The following WDR25 variants were observed in gnomAD, a reference collection of about 807,000 sequenced individuals.
WDR25 encodes WD repeat-containing protein 25.
WDR25 carries 35 observed loss-of-function variants against 47.7 expected under a neutral mutation model. The observed-to-expected ratio is 0.73, with a 90% CI of 0.56 to 0.97. WDR25 has a LOEUF of 0.97. WDR25 is among the 50% of genes least tolerant of loss of function. The pLI, the probability that WDR25 is intolerant of heterozygous loss-of-function variation, is 0.00. For missense variants in WDR25, 634 were observed against 704.7 expected, an observed-to-expected ratio of 0.90 and a Z score of 1.14; for synonymous variants, 248 against 278.9, an observed-to-expected ratio of 0.89 and a Z score of 1.10.
Position 100,529,772 on chromosome 14 carries a change from C to G in WDR25, c.1414-48C>G. ...CCTCTGTAGAATGGGCATACTCACC[C>G]CGGCTTGACAGGTGCGGCTTGCTCA... is the stretch of plus-strand genomic sequence containing the variant. On this transcript the variant is annotated intron_variant, in intron 6 of 6. Coordinates refer to ENST00000402312, the MANE Select transcript of WDR25 (RefSeq NM_001161476.3). The surrounding 1 kb of genome is among the most constrained non-coding windows in gnomAD (Gnocchi z 5.1). The G allele has an allele frequency of 6.3e-7, 1 of 1,582,814 alleles. No individual in the cohort carries two copies. The highest frequency in any genetic ancestry group is 1.1e-5 in the South Asian group (1 of 87,184).
intron 4 of WDR25, among the ~76,000 whole-genome samples, chr14:100,511,980 TGTATAATTTGGAATTATATCA>T (rs1381444647): frequency 1.4e-4 from 21 of 152,182 alleles, no homozygotes; most frequent in African/African-American, 5.1e-4. Context: ...TTATTCCCTT[TGTATAATTTGGAATTATATCA>T]GCTAAAGTTG....
At chr14:100,467,499 T>C (rs1398387557) in intron 2 of WDR25, among the ~76,000 whole-genome samples, 1 of 152,102 alleles carries the variant, frequency 6.6e-6, no homozygotes, top group Non-Finnish European at 1.5e-5. Context: ...TGCGTTTTCT[T>C]TTTTCTTTTA....
At chr14:100,403,832 C>T (rs924980578) in intron 2 of WDR25, among the ~76,000 whole-genome samples, 1 of 152,178 alleles carries the variant, frequency 6.6e-6, no homozygotes, top group African/African-American at 2.4e-5. Context: ...GGCCCTCAGA[C>T]TTCCATCGAG....
intron 4 of WDR25, among the ~76,000 whole-genome samples, chr14:100,495,936 G>A (rs1023657190): frequency 6.6e-6 from 1 of 152,190 alleles, no homozygotes; most frequent in Non-Finnish European, 1.5e-5. Context: ...GTGGATATAT[G>A]TTTTCATTTC....
intron 2 of WDR25, among the ~76,000 whole-genome samples, chr14:100,444,785 C>A (rs1467971198): frequency 5.3e-5 from 8 of 152,332 alleles, no homozygotes; most frequent in South Asian, 4.1e-4. Context: ...GGGACTTGAG[C>A]CTGGTGTGTA....
intron 2 of WDR25, among the ~76,000 whole-genome samples, chr14:100,405,191 T>G (rs1897498289): frequency 6.6e-6 from 1 of 151,156 alleles, no homozygotes; most frequent in South Asian, 2.1e-4. Flanking sequence ...GATGGAGTTT[T>G]GCTCTTGTTA....
intron 1 of WDR25, chr14:100,376,857 T>C: frequency 1.2e-6 from 1 of 854,068 alleles, no homozygotes. Flanking sequence ...CTATTTCTTT[T>C]ACTTCCTAGC....
intron 2 of WDR25, among the ~76,000 whole-genome samples, chr14:100,458,255 T>A (rs1392687621): frequency 6.6e-6 from 1 of 152,128 alleles, no homozygotes; most frequent in Admixed American, 6.5e-5. Flanking sequence ...CAAGAGCAGA[T>A]TTCAGAGCAA....
chr14:100,425,167 G>A lies in WDR25; in HGVS notation c.823-42854G>A, dbSNP rs369916512. On this transcript the variant is annotated intron_variant, in intron 2 of 6. Transcript: ENST00000402312. The surrounding 1 kb of genome is among the most constrained non-coding windows in gnomAD (Gnocchi z 4.8). ...GTGTCCCTTGCTGGCCCCATGGCCT[G>A]CAGGGCTCAGGATCAAGTTCCTCTT... 1.5e-3 allele frequency among the ~76,000 whole-genome samples: 226 copies of A among 152,336 alleles called. 3 individuals carry two copies. Among genetic ancestry groups the A allele is most frequent in the African/African-American group, 5.2e-3 (217 of 41,594 alleles).
At chr14:100,408,798 G>A (rs1366240276) in intron 2 of WDR25, among the ~76,000 whole-genome samples, 1 of 151,970 alleles carries the variant, frequency 6.6e-6, no homozygotes, top group African/African-American at 2.4e-5. Flanking sequence ...TTTTGTTTTT[G>A]AAAAAACCTA....
At chr14:100,451,243 CTT>C (rs11288233) in intron 2 of WDR25, among the ~76,000 whole-genome samples, 275 of 134,564 alleles carry the variant, frequency 2.0e-3, no homozygotes, top group Admixed American at 2.4e-3. Flanking sequence ...CCAAAGCATT[CTT>C]TTTTTTTTTT....
At chr14:100,467,665 A>T (rs1020548780) in intron 2 of WDR25, among the ~76,000 whole-genome samples, 1 of 151,862 alleles carries the variant, frequency 6.6e-6, no homozygotes, top group Non-Finnish European at 1.5e-5. Flanking sequence ...AACTAATTTT[A>T]TGTAGAGAAA....
At chr14:100,409,418 AC>A (rs200345863) in intron 2 of WDR25, among the ~76,000 whole-genome samples, 72 of 146,376 alleles carry the variant, frequency 4.9e-4, no homozygotes, top group African/African-American at 6.1e-4. Context: ...CATGCAGAGG[AC>A]CCCCCCCCAC....
intron 2 of WDR25, among the ~76,000 whole-genome samples, chr14:100,383,471 G>A (rs999750029): frequency 8.5e-5 from 13 of 152,204 alleles, no homozygotes; most frequent in Non-Finnish European, 1.9e-4. Context: ...GAGTTCAAGT[G>A]GTGGCCCTTG....
chr14:100,508,003 A>G (rs1225583250), intron 4 of WDR25, among the ~76,000 whole-genome samples: 1 of 152,182 alleles, frequency 6.6e-6, no homozygotes, highest in African/African-American at 2.4e-5. Context: ...TCCCTGATGA[A>G]CATAGATGCA....
chr14:100,408,157 G>A (rs976998943), intron 2 of WDR25, among the ~76,000 whole-genome samples: 7 of 152,060 alleles, frequency 4.6e-5, no homozygotes, highest in South Asian at 2.1e-4. Flanking sequence ...TGCGTGAAGC[G>A]GTGTGTAAAA....
chr14:100,457,283 G>A (rs1360986381), intron 2 of WDR25, among the ~76,000 whole-genome samples: 1 of 152,082 alleles, frequency 6.6e-6, no homozygotes, highest in Non-Finnish European at 1.5e-5. Flanking sequence ...CTGTTAAGGG[G>A]AAAAAAACTT....
intron 4 of WDR25, among the ~76,000 whole-genome samples, chr14:100,509,390 TG>T (rs1204073869): frequency 2.0e-5 from 3 of 152,232 alleles, no homozygotes; most frequent in African/African-American, 7.2e-5. Flanking sequence ...TTTTAATGGC[TG>T]GGGTGTCTTC....
intron 2 of WDR25, among the ~76,000 whole-genome samples, chr14:100,460,780 T>A (rs1261025143): frequency 6.6e-6 from 1 of 152,120 alleles, no homozygotes; most frequent in Admixed American, 6.5e-5. Flanking sequence ...CCCAGTGAGA[T>A]CAGGAATAGG....
Sources: gnomAD v4.1 joint callset for allele counts (sites outside exome capture counted in the v4.1 genomes callset) on GRCh38, gnomAD v4.1.1 for gene constraint, Gnocchi (gnomAD v3.1) non-coding constraint, MANE v1.5 for transcripts, NCBI Gene and HGNC (gene_info 2026-07-23, HGNC 2026-07-21) for gene names.